The following AP5M1 variants were observed in gnomAD, a reference collection of about 807,000 sequenced individuals.
AP5M1 encodes adaptor related protein complex 5 subunit mu 1, also known as AP-5 complex subunit mu-1.
AP5M1 carries 44 observed loss-of-function variants against 52.3 expected under a neutral mutation model. The ratio of observed to expected loss-of-function variants is 0.84; its 90% CI spans 0.66 to 1.08. The LOEUF is 1.08. Among genes scored for constraint, AP5M1 ranks in the 50% least tolerant of loss-of-function variants. The pLI, the probability that AP5M1 is intolerant of heterozygous loss-of-function variation, is 0.00. For missense variants in AP5M1, 526 were observed against 568.4 expected (o/e 0.93, Z 0.76); for synonymous variants, 213 against 199.0 (o/e 1.07, Z -0.59).
At position 57,294,958 on chromosome 14, in the gene AP5M1, A is replaced by G. The variant is rs1353923017; in HGVS notation, c.*6074A>G. 4 of 152,010 alleles carry G rather than the reference A, an allele frequency of 2.6e-5. No homozygotes were observed. Among genetic ancestry groups the G allele is most frequent in the African/African-American group, 9.6e-5 (4 of 41,532 alleles). The allele number at this position is 152,010 out of a possible 1,614,324, so 9.4% of individuals were successfully genotyped here. On this transcript the variant is annotated 3_prime_UTR_variant, in exon 8 of 8. Transcript: ENST00000261558. ...CCTTCTTAGAATTTCTTATTTTTTA[A>G]AAAAGTGAGTACTCAACAGATAATA...
At chr14:57,273,931 A>G (rs1383985834) in intron 1 of AP5M1, among the ~76,000 whole-genome samples, 1 of 152,236 alleles carries the variant, frequency 6.6e-6, no homozygotes, top group Non-Finnish European at 1.5e-5. Context: ...GCTGACCAAG[A>G]TGGTATCTGA....
chr14:57,270,083 A>T (rs1566512044), intron 1 of AP5M1, among the ~76,000 whole-genome samples: 1 of 152,248 alleles, frequency 6.6e-6, no homozygotes, highest in Non-Finnish European at 1.5e-5. Context: ...CTGGGATTAC[A>T]GGCAGGAGCC....
intron 6 of AP5M1, 28 bp from the exon 7 acceptor site, chr14:57,286,195 A>C: frequency 7.0e-7 from 1 of 1,431,104 alleles, no homozygotes; most frequent in Non-Finnish European, 9.8e-7. Flanking sequence ...AATCACCTTA[A>C]TTTGGTACAT....
At position 57,273,615 on chromosome 14, in the gene AP5M1, A is replaced by T. The variant is rs958883323; in HGVS notation, c.75-629A>T. ...AGTTCAACTCAGAATATGCAAAAAC[A>T]TTCTGATTTTATTCTTTTTTATTAT... On this transcript the variant is annotated intron_variant, in intron 1 of 7. Transcript: ENST00000261558. 5 of 633,778 alleles carry T rather than the reference A, an allele frequency of 7.9e-6. No individual in the cohort carries two copies. In the Admixed American group the frequency reaches 1.2e-4, roughly 16 times the overall value. The allele number at this position is 633,778 out of a possible 1,614,324, so 39.3% of individuals were successfully genotyped here. A position where few individuals can be genotyped will look rare whatever the true frequency, so the allele number is the denominator to read the frequency against.
intron 3 of AP5M1, 41 bp from the exon 4 acceptor site, chr14:57,282,048 A>G (rs1885192192): frequency 2.0e-6 from 3 of 1,507,198 alleles, no homozygotes; most frequent in Non-Finnish European, 2.6e-6. Context: ...TTTTAGACTC[A>G]TTAACCTGAG....
Position 57,286,272 on chromosome 14 carries a change from A to G in AP5M1, c.1343A>G (p.Gln448Arg). 3 of 1,613,430 alleles carry G rather than the reference A, an allele frequency of 1.9e-6. No individual in the cohort carries two copies. Among genetic ancestry groups the G allele is most frequent in the Non-Finnish European group, 2.5e-6 (3 of 1,179,502 alleles). ...ACACTTACTGGATGTTATGCAGATC[A>G]GCATTCAGTTCAAGTTTTTGCATCA... ...DYTLTGCYAD[Q>R]HSVQVFASGK... Residue 448 changes from glutamine to arginine, a missense_variant, in exon 7 of 8, where the codon CAG becomes CGG. Around this residue, in one of 3 missense-constraint regions of AP5M1, gnomAD observed 97 missense variants for 121.3 expected, o/e 0.80. Transcript: ENST00000261558.
Position 57,298,390 on chromosome 14 carries a change from T to G in AP5M1, c.*9506T>G, listed in dbSNP as rs1885595003. On this transcript the variant is annotated 3_prime_UTR_variant, in exon 8 of 8. Transcript: ENST00000261558. ...GTCTTTGAAGTCACACAGGCCTGAT[T>G]TCAAATCCCAGCTCTGTCATTTACA... 1 of 152,160 alleles carries G rather than the reference T, an allele frequency of 6.6e-6. No individual in the cohort carries two copies. 9.4% of individuals were successfully genotyped at this position (152,160 alleles called of 1,614,324 possible).
In AP5M1 at chr14:57,276,824, G is replaced by A. The variant is rs1238178744; in HGVS notation, c.720+1935G>A. ...TTTAAAAAATGTTTTTAAGTGGGGAGAAAATGGGGCTATACCTTAACCTAC... is the reference window on the plus strand; with the variant it reads ...TTTAAAAAATGTTTTTAAGTGGGGAAAAAATGGGGCTATACCTTAACCTAC... On this transcript the variant is annotated intron_variant, in intron 2 of 7. Coordinates refer to ENST00000261558, the MANE Select transcript of AP5M1 (RefSeq NM_018229.4). Among the ~76,000 whole-genome samples the A allele has an allele frequency of 7.9e-5, 12 of 152,234 alleles. No individual in the cohort carries two copies. In the South Asian group the frequency reaches 2.5e-3, roughly 32 times the overall value.
intron 6 of AP5M1, among the ~76,000 whole-genome samples, chr14:57,284,342 G>A (rs1023313841): frequency 6.6e-6 from 1 of 152,058 alleles, no homozygotes; most frequent in African/African-American, 2.4e-5. Flanking sequence ...GATTATAGAG[G>A]GTTTGAATCT....
intron 2 of AP5M1, among the ~76,000 whole-genome samples, chr14:57,276,351 G>A (rs765151363): frequency 1.3e-5 from 2 of 152,114 alleles, no homozygotes; most frequent in Non-Finnish European, 2.9e-5. Context: ...CAAGGCGGGC[G>A]AATCACTTGA....
chr14:57,287,026 C>CACACACAT (rs3049836), intron 7 of AP5M1, among the ~76,000 whole-genome samples: 3 of 145,092 alleles, frequency 2.1e-5, no homozygotes, highest in Non-Finnish European at 1.5e-5. Flanking sequence ...CACACACACA[C>CACACACAT]GAAACATATG....
At chr14:57,279,112 A>G (rs1168429664) in intron 2 of AP5M1, among the ~76,000 whole-genome samples, 2 of 152,212 alleles carry the variant, frequency 1.3e-5, no homozygotes, top group African/African-American at 4.8e-5. Context: ...TCATTGTGGA[A>G]GACTGTGGCG....
At chr14:57,279,268 T>A (rs1421771677) in intron 2 of AP5M1, among the ~76,000 whole-genome samples, 1 of 152,042 alleles carries the variant, frequency 6.6e-6, no homozygotes, top group Admixed American at 6.5e-5. Context: ...AGTAAAGACA[T>A]GGAATCAACA....
At chr14:57,269,429 G>A in intron 1 of AP5M1, 41 bp downstream of exon 1, 1 of 1,598,630 alleles carries the variant, frequency 6.3e-7, no homozygotes, top group Non-Finnish European at 8.6e-7. Context: ...TGGATCAGAA[G>A]ATCGATGAAG....
Position 57,274,329 on chromosome 14 carries a change from G to T in AP5M1, c.160G>T (p.Ala54Ser). ...PVPEDGPFLKALLFELRLLDD... is the reference protein window; with the variant it reads ...PVPEDGPFLKSLLFELRLLDD... ...TCCTGAAGATGGTCCCTTTCTTAAAGCACTGCTCTTTGAACTTAGATTATT... is the reference window on the plus strand; with the variant it reads ...TCCTGAAGATGGTCCCTTTCTTAAATCACTGCTCTTTGAACTTAGATTATT... The change falls in exon 2 of 8, where the codon GCA becomes TCA. Residue 54 changes from alanine to serine, a missense_variant. Around this residue, in one of 3 missense-constraint regions of AP5M1, gnomAD observed 425 missense variants for 430.6 expected, o/e 0.99. Coordinates refer to ENST00000261558, the MANE Select transcript of AP5M1 (RefSeq NM_018229.4). 6.2e-7 allele frequency: 1 copy of T among 1,614,164 alleles called. No homozygotes were observed. Among genetic ancestry groups the T allele is most frequent in the Non-Finnish European group, 8.5e-7 (1 of 1,180,020 alleles).
rs1275854998 is a variant in AP5M1, at chr14:57,293,009, T to A, written c.*4125T>A. Reference sequence around the variant, plus strand: ...AGCATTACCAAAATAGCCGAGTAATTAAATTTTTTCTGCCTGCCTTTTTCT... The same window carrying A: ...AGCATTACCAAAATAGCCGAGTAATAAAATTTTTTCTGCCTGCCTTTTTCT... On this transcript the variant is annotated 3_prime_UTR_variant, in exon 8 of 8. Coordinates refer to ENST00000261558, the MANE Select transcript of AP5M1 (RefSeq NM_018229.4). The A allele has an allele frequency of 6.6e-6, 1 of 151,754 alleles. No individual in the cohort carries two copies. Among genetic ancestry groups the A allele is most frequent in the Non-Finnish European group, 1.5e-5 (1 of 67,764 alleles). The allele number at this position is 151,754 out of a possible 1,614,324, so 9.4% of individuals were successfully genotyped here.
chr14:57,283,094 G>T lies in AP5M1; in HGVS notation c.1175-18G>T. The stretch of plus-strand genomic sequence containing the variant: ...TCTACTTAATTTAGAATTGTTTATT[G>T]GTATATTTGTGTTTTAGGCCAGAAG... On this transcript the variant is annotated intron_variant, in intron 5 of 7. Coordinates refer to ENST00000261558, the MANE Select transcript of AP5M1 (RefSeq NM_018229.4). 1 of 1,585,874 alleles carries T rather than the reference G, an allele frequency of 6.3e-7. No homozygotes were observed. The highest frequency in any genetic ancestry group is 8.6e-7 in the Non-Finnish European group (1 of 1,161,386).
chr14:57,269,047 A>T lies in AP5M1; in HGVS notation c.-268A>T. ...CCGGAAGTAGAATTTAGAGGAAGAA[A>T]ATACCGGAGTTGCAGGGTATAGGTA... On this transcript the variant is annotated 5_prime_UTR_variant, in exon 1 of 8. Transcript: ENST00000261558. 1 of 555,114 alleles carries T rather than the reference A, an allele frequency of 1.8e-6. No homozygotes were observed. Among genetic ancestry groups the T allele is most frequent in the Non-Finnish European group, 3.1e-6 (1 of 318,158 alleles). 34.4% of individuals were successfully genotyped at this position (555,114 alleles called of 1,614,324 possible). A position where few individuals can be genotyped will look rare whatever the true frequency, so the allele number is the denominator to read the frequency against.
At chr14:57,274,221 A>T (rs761238227) in intron 1 of AP5M1, 23 bp from the exon 2 acceptor site, 2 of 1,550,318 alleles carry the variant, frequency 1.3e-6, no homozygotes, top group Non-Finnish European at 1.7e-6. Flanking sequence ...ATCATTTATA[A>T]TGTTTCTGTT....
Sources: gnomAD v4.1 joint callset for allele counts (sites outside exome capture counted in the v4.1 genomes callset) on GRCh38, gnomAD v4.1.1 for gene constraint, gnomAD v4.1.1 regional missense constraint, MANE v1.5 for transcripts, NCBI Gene and HGNC (gene_info 2026-07-23, HGNC 2026-07-21) for gene names.